Variants in NCOA2 observed in about 807,000 individuals in gnomAD.
The protein encoded by NCOA2 is nuclear receptor coactivator 2.
Under a neutral mutation model 145.1 loss-of-function variants are expected in NCOA2, and 21 were observed. The ratio of observed to expected loss-of-function variants is 0.14; its 90% confidence interval spans 0.10 to 0.21. NCOA2 has a LOEUF of 0.21. Among genes scored for constraint, NCOA2 ranks in the 10% least tolerant of loss-of-function variants. The pLI, the probability that NCOA2 is intolerant of heterozygous loss-of-function variation, is 1.00. For synonymous variants in NCOA2, 619 were observed against 637.5 expected (o/e 0.97, Z 0.44); for missense variants, 1,472 against 1,837.6 (o/e 0.80, Z 3.64).
chr8:70,214,404 A>G (rs1021598049), intron 3 of NCOA2, among the ~76,000 whole-genome samples: 3 of 152,258 alleles, frequency 2.0e-5, no homozygotes, highest in African/African-American at 7.2e-5. Flanking sequence ...GTTGACAAAT[A>G]AAAGAATGTT....
chr8:70,364,844 T>G (rs1227276), intron 1 of NCOA2, among the ~76,000 whole-genome samples: 3 of 146,906 alleles, frequency 2.0e-5, no homozygotes, highest in Middle Eastern at 3.3e-3. Flanking sequence ...TTTTTTTTTT[T>G]CCCCCAGTCT....
At chr8:70,149,610 C>T (rs988128890) in intron 11 of NCOA2, among the ~76,000 whole-genome samples, 2 of 151,476 alleles carry the variant, frequency 1.3e-5, no homozygotes, top group South Asian at 2.1e-4. Flanking sequence ...CAAGCACTAA[C>T]ATAAGCTAAG....
the NCOA2 span, among the ~76,000 whole-genome samples, chr8:70,417,821 A>T: frequency 2.6e-5 from 4 of 152,156 alleles, no homozygotes; most frequent in African/African-American, 9.7e-5. Flanking sequence ...CCTTTTTCGT[A>T]TCTCCATTGT....
At chr8:70,217,001 T>G (rs935769950) in intron 2 of NCOA2, among the ~76,000 whole-genome samples, 1 of 152,188 alleles carries the variant, frequency 6.6e-6, no homozygotes, top group Non-Finnish European at 1.5e-5. Context: ...GCCTACCTCA[T>G]TGGGCCCAAA....
intron 3 of NCOA2, among the ~76,000 whole-genome samples, chr8:70,216,275 A>AG (rs1296817232): frequency 6.6e-6 from 1 of 152,242 alleles, no homozygotes; most frequent in Non-Finnish European, 1.5e-5. Context: ...TTCTCAACTC[A>AG]GAAGTACATG....
chr8:70,420,801 C>T, the NCOA2 span, among the ~76,000 whole-genome samples: 9 of 152,158 alleles, frequency 5.9e-5, no homozygotes, highest in Non-Finnish European at 1.0e-4. Flanking sequence ...TGCACCACCA[C>T]GCCCAGCTAA....
chr8:70,260,018 A>G (rs1393470954), intron 2 of NCOA2, among the ~76,000 whole-genome samples: 1 of 152,174 alleles, frequency 6.6e-6, no homozygotes, highest in African/African-American at 2.4e-5. Flanking sequence ...AACTCCTCTA[A>G]CTCATCCCTT....
At chr8:70,235,154 C>T (rs946452707) in intron 2 of NCOA2, among the ~76,000 whole-genome samples, 1 of 152,122 alleles carries the variant, frequency 6.6e-6, no homozygotes, top group Non-Finnish European at 1.5e-5. Flanking sequence ...AGAGGAGTAT[C>T]GTACTGATAC....
intron 1 of NCOA2, among the ~76,000 whole-genome samples, chr8:70,342,710 C>CT (rs35859625): frequency 6.5e-4 from 91 of 140,814 alleles, no homozygotes; most frequent in East Asian, 8.3e-4. Context: ...ACTACATTAC[C>CT]TTTTTTTTTT....
chr8:70,353,920 C>T lies in NCOA2; in HGVS notation c.-77+49780G>A, dbSNP rs188499104. On this transcript the variant is annotated intron_variant, in intron 1 of 22. Transcript: ENST00000452400. Reference sequence around the variant, plus strand: ...GGTTAAATATGGTAATATAATTTACCCAATAAAACTACTTGAAAATCAGTT... The same window carrying T: ...GGTTAAATATGGTAATATAATTTACTCAATAAAACTACTTGAAAATCAGTT... Among the ~76,000 whole-genome samples, 366 of 152,176 alleles carry T rather than the reference C, an allele frequency of 2.4e-3. 2 individuals are homozygous for T. Among genetic ancestry groups the T allele is most frequent in the African/African-American group, 8.3e-3 (343 of 41,536 alleles).
At chr8:70,329,932 G>T (rs1471322068) in intron 1 of NCOA2, among the ~76,000 whole-genome samples, 2 of 151,980 alleles carry the variant, frequency 1.3e-5, no homozygotes, top group Non-Finnish European at 2.9e-5. Context: ...GTTATCTCTG[G>T]GGAAATACTA....
chr8:70,187,290 A>G (rs1336782504), intron 4 of NCOA2, among the ~76,000 whole-genome samples: 1 of 152,244 alleles, frequency 6.6e-6, no homozygotes, highest in African/African-American at 2.4e-5. Context: ...TTTGGTATCC[A>G]GACTAACCTT....
At chr8:70,345,907 G>T (rs1046632995) in intron 1 of NCOA2, among the ~76,000 whole-genome samples, 1 of 152,114 alleles carries the variant, frequency 6.6e-6, no homozygotes, top group Non-Finnish European at 1.5e-5. Flanking sequence ...CACCAAACAG[G>T]AACTCCCACT....
At chr8:70,217,632 A>T (rs561635686) in intron 2 of NCOA2, among the ~76,000 whole-genome samples, 1 of 152,242 alleles carries the variant, frequency 6.6e-6, no homozygotes, top group South Asian at 2.1e-4. Context: ...ATAAAAAAAA[A>T]TGTAAGAAAA....
At chr8:70,410,796 A>T in the NCOA2 span, among the ~76,000 whole-genome samples, 2 of 152,232 alleles carry the variant, frequency 1.3e-5, no homozygotes, top group Non-Finnish European at 2.9e-5. Flanking sequence ...AAGCAAAAGT[A>T]GTCGTACGGG....
At chr8:70,255,498 A>G (rs1823564106) in intron 2 of NCOA2, among the ~76,000 whole-genome samples, 1 of 152,212 alleles carries the variant, frequency 6.6e-6, no homozygotes, top group East Asian at 1.9e-4. Context: ...GTTTATTTAT[A>G]TTTTACTGTG....
intron 2 of NCOA2, among the ~76,000 whole-genome samples, chr8:70,294,180 T>C (rs1216408083): frequency 6.6e-6 from 1 of 152,160 alleles, no homozygotes; most frequent in Non-Finnish European, 1.5e-5. Flanking sequence ...CAAGGCTATA[T>C]ACTAAACTTC....
chr8:70,272,390 T>C (rs569621143), intron 2 of NCOA2, among the ~76,000 whole-genome samples: 1 of 152,250 alleles, frequency 6.6e-6, no homozygotes, highest in Non-Finnish European at 1.5e-5. Flanking sequence ...CAGCAGTAAC[T>C]ATCTAACTTA....
the NCOA2 span, among the ~76,000 whole-genome samples, chr8:70,455,507 A>G: frequency 6.6e-6 from 1 of 152,238 alleles, no homozygotes; most frequent in Non-Finnish European, 1.5e-5. Context: ...GAACCTTAAA[A>G]TAAACTAAAG....
Sources: gnomAD v4.1 joint callset for allele counts (sites outside exome capture counted in the v4.1 genomes callset) on GRCh38, gnomAD v4.1.1 for gene constraint, MANE v1.5 for transcripts, NCBI Gene and HGNC (gene_info 2026-07-23, HGNC 2026-07-21) for gene names.